The following PTPRO variants were observed in gnomAD, a reference collection of about 807,000 sequenced individuals.
PTPRO encodes protein tyrosine phosphatase receptor type O.
PTPRO carries 62 observed loss-of-function variants against 145.2 expected under a neutral mutation model. That is an observed-to-expected ratio of 0.43 (90% CI 0.35 to 0.53). The LOEUF is 0.53. Among genes scored for constraint, PTPRO ranks in the 20% least tolerant of loss-of-function variants. The pLI, the probability that PTPRO is intolerant of heterozygous loss-of-function variation, is 0.01. For missense variants in PTPRO, 1,345 were observed against 1,482.7 expected, an observed-to-expected ratio of 0.91 and a Z score of 1.53; for synonymous variants, 565 against 514.7, an observed-to-expected ratio of 1.10 and a Z score of -1.32.
chr12:15,327,715 A>G (rs1029592100), intron 1 of PTPRO, among the ~76,000 whole-genome samples: 28 of 152,146 alleles, frequency 1.8e-4, no homozygotes, highest in Non-Finnish European at 3.2e-4. Flanking sequence ...GAACCCAAAC[A>G]AGGTTAATGT....
intron 3 of PTPRO, among the ~76,000 whole-genome samples, chr12:15,498,458 T>C (rs926537894): frequency 9.9e-5 from 15 of 152,262 alleles, no homozygotes; most frequent in African/African-American, 3.4e-4. Flanking sequence ...CTCAGGAGGC[T>C]GAGGCAGGAG....
rs1944693609 is a variant in PTPRO, at chr12:15,598,063, GT to G, written c.*1995del. Among the ~76,000 whole-genome samples the G allele has an allele frequency of 6.6e-6, 1 of 152,126 alleles. No homozygotes were observed. The highest frequency in any genetic ancestry group is 1.5e-5 in the Non-Finnish European group (1 of 68,034). ...ACAAAGCACTTCATAAATATTTTATGTTTTTCTTGAGCACCCTTTCAAGGTA... is the reference window on the plus strand; with the variant it reads ...ACAAAGCACTTCATAAATATTTTATGTTTTCTTGAGCACCCTTTCAAGGTA... On this transcript the variant is annotated 3_prime_UTR_variant, in exon 27 of 27. Coordinates refer to ENST00000281171, the MANE Select transcript of PTPRO (RefSeq NM_030667.3).
chr12:15,432,007 T>G (rs1412388885), intron 1 of PTPRO, among the ~76,000 whole-genome samples: 1 of 152,228 alleles, frequency 6.6e-6, no homozygotes, highest in Non-Finnish European at 1.5e-5. Flanking sequence ...TTTTGCTTTT[T>G]TAGCATTTAA....
intron 1 of PTPRO, among the ~76,000 whole-genome samples, chr12:15,395,266 G>A (rs1350483216): frequency 6.6e-6 from 1 of 152,128 alleles, no homozygotes; most frequent in African/African-American, 2.4e-5. Flanking sequence ...AGGAAATGTA[G>A]GCAATCGAGT....
rs556524998 is a variant in PTPRO at position 15,557,745 on chromosome 12, A to G, written c.2627+222A>G. 2.0e-5 allele frequency among the ~76,000 whole-genome samples: 3 copies of G among 152,094 alleles called. No individual in the cohort carries two copies. In the East Asian group the frequency reaches 5.8e-4, roughly 30 times the overall value. Reference sequence around the variant, plus strand: ...GCATCATGGTCTGCTCTGTATTTACAATACTAAACAAGGGACTGAAACAGT... The same window carrying G: ...GCATCATGGTCTGCTCTGTATTTACGATACTAAACAAGGGACTGAAACAGT... On this transcript the variant is annotated intron_variant, in intron 16 of 26. Transcript: ENST00000281171.
chr12:15,325,935 G>A (rs1866433161), intron 1 of PTPRO, among the ~76,000 whole-genome samples: 1 of 152,000 alleles, frequency 6.6e-6, no homozygotes, highest in African/African-American at 2.4e-5. Context: ...TTCTATTTCT[G>A]CTTTTACCAG....
At chr12:15,537,621 T>G (rs1369863555) in intron 12 of PTPRO, among the ~76,000 whole-genome samples, 1 of 152,306 alleles carries the variant, frequency 6.6e-6, no homozygotes, top group East Asian at 1.9e-4. Flanking sequence ...AAATCTAAAA[T>G]GCACAGGAGC....
In PTPRO at chr12:15,384,152, G is replaced by A. The variant is rs114591678; in HGVS notation, c.75+61351G>A. On this transcript the variant is annotated intron_variant, in intron 1 of 26. Transcript: ENST00000281171. ...AGTCATGGCCTGAACTAGATTTTAA[G>A]TTTTCTTTGGGATCCTCTTGGCCAA... Among the ~76,000 whole-genome samples, 1,291 of 152,226 alleles carry A rather than the reference G, an allele frequency of 8.5e-3. 21 individuals are homozygous for A. Among genetic ancestry groups the A allele is most frequent in the African/African-American group, 0.03 (1,241 of 41,538 alleles).
rs115019828 is a variant in PTPRO at position 15,325,394 on chromosome 12, A to G, written c.75+2593A>G. 7.6e-3 allele frequency among the ~76,000 whole-genome samples: 1,159 copies of G among 152,322 alleles called. 10 individuals carry two copies. Among genetic ancestry groups the G allele is most frequent in the African/African-American group, 0.026 (1,066 of 41,560 alleles). On this transcript the variant is annotated intron_variant, in intron 1 of 26. Transcript: ENST00000281171. ...GTCTTTGTGCCATCGTTCCTTATCC[A>G]TGGAGCAGTGATGAGCACATATAAT... is the stretch of plus-strand genomic sequence containing the variant.
rs183887318 is a variant in PTPRO, at chr12:15,533,048, C to T, written c.2164+6786C>T. Reference sequence around the variant, plus strand: ...CTATGTGACATCATGGTCGAAGGTGCCTCAGGAATATGAGTCAAAGTCATG... The same window carrying T: ...CTATGTGACATCATGGTCGAAGGTGTCTCAGGAATATGAGTCAAAGTCATG... On this transcript the variant is annotated intron_variant, in intron 12 of 26. Coordinates refer to ENST00000281171, the MANE Select transcript of PTPRO (RefSeq NM_030667.3). Among the ~76,000 whole-genome samples, 484 of 152,214 alleles carry T rather than the reference C, an allele frequency of 3.2e-3. 3 individuals are homozygous for T. The highest frequency in any genetic ancestry group is 0.011 in the African/African-American group (465 of 41,538).
chr12:15,441,816 A>T (rs1940774496), intron 1 of PTPRO, among the ~76,000 whole-genome samples: 1 of 152,166 alleles, frequency 6.6e-6, no homozygotes, highest in Admixed American at 6.5e-5. Flanking sequence ...AAATTGAAAC[A>T]TTGAACAGAC....
At chr12:15,335,846 T>A (rs1866742950) in intron 1 of PTPRO, among the ~76,000 whole-genome samples, 1 of 152,184 alleles carries the variant, frequency 6.6e-6, no homozygotes, top group Non-Finnish European at 1.5e-5. Flanking sequence ...CCTTGGTTCA[T>A]TTCTACTGCT....
At chr12:15,374,868 T>C (rs1277245095) in intron 1 of PTPRO, among the ~76,000 whole-genome samples, 1 of 152,202 alleles carries the variant, frequency 6.6e-6, no homozygotes, top group Non-Finnish European at 1.5e-5. Flanking sequence ...TAAGTAGGGC[T>C]GTGTGCATGC....
chr12:15,387,753 C>G (rs1939069565), intron 1 of PTPRO, among the ~76,000 whole-genome samples: 1 of 152,104 alleles, frequency 6.6e-6, no homozygotes, highest in African/African-American at 2.4e-5. Context: ...TTATTTAAAT[C>G]AGAGGAATCA....
At chr12:15,396,114 G>A (rs532206148) in intron 1 of PTPRO, among the ~76,000 whole-genome samples, 30 of 152,002 alleles carry the variant, frequency 2.0e-4, no homozygotes, top group Non-Finnish European at 4.0e-4. Context: ...TTCCTTTATT[G>A]CTTTTTATTC....
Position 15,546,554 on chromosome 12 carries a change from T to C in PTPRO, c.2165-15T>C, listed in dbSNP as rs775528476. 2.1e-5 allele frequency: 33 copies of C among 1,576,874 alleles called. No individual in the cohort carries two copies. The highest frequency in any genetic ancestry group is 1.7e-4 in the Middle Eastern group (1 of 6,034). On this transcript the variant is annotated splice_polypyrimidine_tract_variant and intron_variant, in intron 12 of 26. Coordinates refer to ENST00000281171, the MANE Select transcript of PTPRO (RefSeq NM_030667.3). Reference sequence around the variant, plus strand: ...TAGTAAATTAAATTTTTTTTAAAACTTTGTCTTTGCTCAGAACCAGCTCCA... The same window carrying C: ...TAGTAAATTAAATTTTTTTTAAAACCTTGTCTTTGCTCAGAACCAGCTCCA...
intron 1 of PTPRO, among the ~76,000 whole-genome samples, chr12:15,372,632 A>G (rs1308810859): frequency 6.6e-6 from 1 of 152,226 alleles, no homozygotes; most frequent in Non-Finnish European, 1.5e-5. Context: ...ACAGTAAAGT[A>G]AAGTTAACTG....
chr12:15,358,656 T>C (rs1938075595), intron 1 of PTPRO, among the ~76,000 whole-genome samples: 1 of 152,224 alleles, frequency 6.6e-6, no homozygotes, highest in Non-Finnish European at 1.5e-5. Context: ...GATCTCACAG[T>C]AGCTTAAGCA....
intron 1 of PTPRO, among the ~76,000 whole-genome samples, chr12:15,399,485 A>C (rs60236582): frequency 0.079 from 11,979 of 152,198 alleles, 542 homozygotes; most frequent in African/African-American, 0.12. Flanking sequence ...TCACATAATA[A>C]AATCTGGCTT....
Sources: allele counts gnomAD v4.1 joint callset (sites outside exome capture counted in the v4.1 genomes callset), GRCh38; gene constraint gnomAD v4.1.1; transcripts MANE v1.5; gene names NCBI Gene and HGNC (gene_info 2026-07-23, HGNC 2026-07-21).